TMEM178A: variants seen among roughly 807,000 people sequenced by gnomAD.
The protein encoded by TMEM178A is transmembrane protein 178.
In TMEM178A, 12 loss-of-function variants were observed where a neutral mutation model predicts 29.1. The observed-to-expected ratio is 0.41, with a 90% CI of 0.26 to 0.67. TMEM178A has a LOEUF of 0.67. Ranked by LOEUF, TMEM178A falls within the 30% of genes least tolerant of loss-of-function variation. The pLI, the probability that TMEM178A is intolerant of heterozygous loss-of-function variation, is 0.29. For missense variants in TMEM178A, 366 were observed against 419.1 expected (o/e 0.87, Z 1.11); for synonymous variants, 210 against 187.2 (o/e 1.12, Z -0.99).
the TMEM178A span, among the ~76,000 whole-genome samples, chr2:39,726,652 G>T: frequency 2.0e-5 from 3 of 152,308 alleles, no homozygotes; most frequent in Middle Eastern, 3.4e-3. Context: ...CCAGTACTGG[G>T]CGTTTAGGTC....
intron 1 of TMEM178A, among the ~76,000 whole-genome samples, chr2:39,680,767 C>A (rs1670834203): frequency 6.6e-6 from 1 of 151,762 alleles, no homozygotes; most frequent in Non-Finnish European, 1.5e-5. Context: ...TTTTTTGTTT[C>A]AACAGGAAAA....
At chr2:39,681,390 C>T (rs1390519728) in intron 1 of TMEM178A, among the ~76,000 whole-genome samples, 12 of 152,186 alleles carry the variant, frequency 7.9e-5, no homozygotes, top group Non-Finnish European at 1.6e-4. Flanking sequence ...GAGCATACCA[C>T]CTCATGTTTG....
chr2:39,713,607 G>A (rs1371507711), intron 3 of TMEM178A, among the ~76,000 whole-genome samples: 1 of 152,210 alleles, frequency 6.6e-6, no homozygotes, highest in Non-Finnish European at 1.5e-5. Flanking sequence ...ACAAGCCAAG[G>A]AGAGAGTCCT....
chr2:39,712,121 C>T (rs867499001), intron 3 of TMEM178A, among the ~76,000 whole-genome samples: 11 of 149,356 alleles, frequency 7.4e-5, no homozygotes, highest in Admixed American at 4.0e-4. Context: ...TCAGTTAGGA[C>T]AATATAGGAA....
At chr2:39,669,041 C>T (rs967060709) in intron 1 of TMEM178A, among the ~76,000 whole-genome samples, 5 of 152,134 alleles carry the variant, frequency 3.3e-5, no homozygotes, top group African/African-American at 1.2e-4. Flanking sequence ...CAACTAGAGT[C>T]CCAAGTTCCA....
At chr2:39,708,511 C>T (rs979760027) in intron 3 of TMEM178A, among the ~76,000 whole-genome samples, 3 of 148,644 alleles carry the variant, frequency 2.0e-5, no homozygotes, top group East Asian at 3.9e-4. Context: ...CTCCGCCTCC[C>T]GGGTTCACGC....
At chr2:39,665,721 A>C, upstream of TMEM178A, 3 of 291,608 alleles carry the variant, frequency 1.0e-5, no homozygotes, top group Non-Finnish European at 1.2e-5. Flanking sequence ...GAGGGGGGCA[A>C]GAAAGCGAGA....
intron 1 of TMEM178A, among the ~76,000 whole-genome samples, chr2:39,672,550 C>G (rs573390340): frequency 6.6e-6 from 1 of 152,022 alleles, no homozygotes; most frequent in African/African-American, 2.4e-5. Flanking sequence ...GAGACAGAGT[C>G]TTGCTCTGTC....
At position 39,704,197 on chromosome 2, in the gene TMEM178A, A is replaced by G. The variant is rs776982676; in HGVS notation, c.514+3A>G. 1.2e-6 allele frequency: 2 copies of G among 1,612,712 alleles called. No individual in the cohort carries two copies. Among genetic ancestry groups the G allele is most frequent in the South Asian group, 1.1e-5 (1 of 91,038 alleles). On this transcript the variant is annotated splice_donor_region_variant and intron_variant, in intron 2 of 3. Coordinates refer to ENST00000281961, the MANE Select transcript of TMEM178A (RefSeq NM_152390.3). ...GCAAGATGAGTGGCACCTGCTTCGTAAGTATTTCCAGGAGAGGTTCAGAGA... is the reference window on the plus strand; with the variant it reads ...GCAAGATGAGTGGCACCTGCTTCGTGAGTATTTCCAGGAGAGGTTCAGAGA...
intron 1 of TMEM178A, among the ~76,000 whole-genome samples, chr2:39,692,170 G>A (rs900705590): frequency 6.6e-6 from 1 of 152,158 alleles, no homozygotes; most frequent in Non-Finnish European, 1.5e-5. Context: ...ACCAGGGGCA[G>A]GGGGAATGGG....
intron 1 of TMEM178A, among the ~76,000 whole-genome samples, chr2:39,686,732 C>T (rs192943882): frequency 6.6e-6 from 1 of 152,154 alleles, no homozygotes; most frequent in Non-Finnish European, 1.5e-5. Context: ...GGGCTGGGTG[C>T]TAACCTCTGA....
chr2:39,682,927 C>T (rs1670930524), intron 1 of TMEM178A, among the ~76,000 whole-genome samples: 1 of 152,178 alleles, frequency 6.6e-6, no homozygotes, highest in African/African-American at 2.4e-5. Context: ...TCTTCACAGC[C>T]TGGGCTTTCC....
chr2:39,707,071 C>T lies in TMEM178A; in HGVS notation c.537C>T (p.Gly179=), dbSNP rs1461237649. The T allele has an allele frequency of 4.3e-6, 7 of 1,611,644 alleles. No individual in the cohort carries two copies. The highest frequency in any genetic ancestry group is 5.9e-6 in the Non-Finnish European group (7 of 1,179,314). ...HLLHLRRITA[G]FLGMAVAVLL... ...TAGATTTAAGAAGAATCACTGCTGG[C>T]TTCCTCGGCATGGCCGTAGCCGTCC... Residue 179 remains glycine, a synonymous_variant, in exon 3 of 4, where the codon GGC becomes GGT. Coordinates refer to ENST00000281961, the MANE Select transcript of TMEM178A (RefSeq NM_152390.3).
At chr2:39,670,989 T>C (rs1395386327) in intron 1 of TMEM178A, among the ~76,000 whole-genome samples, 1 of 152,192 alleles carries the variant, frequency 6.6e-6, no homozygotes, top group African/African-American at 2.4e-5. Context: ...TTAAAAATGA[T>C]AGGATTTCAG....
At chr2:39,718,729 A>C (rs1312788097), downstream of TMEM178A, among the ~76,000 whole-genome samples, 1 of 152,062 alleles carries the variant, frequency 6.6e-6, no homozygotes, top group Non-Finnish European at 1.5e-5. Flanking sequence ...TTGGGACAAC[A>C]GTTAAAATTC....
chr2:39,728,055 T>A, the TMEM178A span, among the ~76,000 whole-genome samples: 2 of 152,218 alleles, frequency 1.3e-5, no homozygotes, highest in Non-Finnish European at 2.9e-5. Flanking sequence ...TAGCATGATT[T>A]ATAATCCTTT....
chr2:39,695,819 C>T (rs1183386447), intron 1 of TMEM178A, among the ~76,000 whole-genome samples: 1 of 152,044 alleles, frequency 6.6e-6, no homozygotes, highest in Non-Finnish European at 1.5e-5. Context: ...ATTTTCGCAT[C>T]TTCTGTTGGT....
At chr2:39,692,714 A>G (rs764190232) in intron 1 of TMEM178A, among the ~76,000 whole-genome samples, 23 of 152,252 alleles carry the variant, frequency 1.5e-4, no homozygotes, top group Non-Finnish European at 2.2e-4. Context: ...GACAGTATAT[A>G]TGTATTAGCT....
At chr2:39,704,018 C>T (rs1671913912) in intron 1 of TMEM178A, 63 bp from the exon 2 acceptor site, 17 of 1,415,010 alleles carry the variant, frequency 1.2e-5, no homozygotes, top group Admixed American at 1.8e-5. Flanking sequence ...TATTCTGCCT[C>T]AGGTCTCAGA....
Sources: allele counts gnomAD v4.1 joint callset (sites outside exome capture counted in the v4.1 genomes callset), GRCh38; gene constraint gnomAD v4.1.1; transcripts MANE v1.5; gene names NCBI Gene and HGNC (gene_info 2026-07-23, HGNC 2026-07-21).